Variants in DMBT1 observed in about 807,000 individuals in gnomAD.
DMBT1 encodes deleted in malignant brain tumors 1.
A neutral mutation model predicts 252.9 loss-of-function variants in DMBT1; 198 were observed. That is an observed-to-expected ratio of 0.78 (90% CI 0.70 to 0.88). DMBT1 has a LOEUF of 0.88. Ranked by LOEUF, DMBT1 falls within the 40% of genes least tolerant of loss-of-function variation. DMBT1 has a pLI of 0.00. For missense variants in DMBT1, 2,432 were observed against 2,404.7 expected, an observed-to-expected ratio of 1.01 and a Z score of -0.24; for synonymous variants, 990 against 942.7, an observed-to-expected ratio of 1.05 and a Z score of -0.92.
chr10:122,569,281 G>T (rs1367151135), intron 2 of DMBT1, among the ~76,000 whole-genome samples: 1 of 152,170 alleles, frequency 6.6e-6, no homozygotes, highest in Non-Finnish European at 1.5e-5. Context: ...CGAGGATGGA[G>T]GAACTGCTGG....
At chr10:122,573,999 T>C (rs1054657807) in intron 6 of DMBT1, among the ~76,000 whole-genome samples, 1 of 152,168 alleles carries the variant, frequency 6.6e-6, no homozygotes, top group Admixed American at 6.5e-5. Context: ...GAGCCTTTTA[T>C]TCTGTCTCTA....
chr10:122,561,421 G>T (rs184022827), intron 1 of DMBT1, among the ~76,000 whole-genome samples: 49 of 143,146 alleles, frequency 3.4e-4, no homozygotes, highest in African/African-American at 1.1e-3. Context: ...AAGCATAGCT[G>T]TATGTTCTTA....
intron 44 of DMBT1, among the ~76,000 whole-genome samples, chr10:122,623,712 G>A (rs138000791): frequency 5.9e-5 from 9 of 152,276 alleles, no homozygotes; most frequent in African/African-American, 1.9e-4. Flanking sequence ...TGGGAGAACA[G>A]GGGCTTCATT....
intron 52 of DMBT1, among the ~76,000 whole-genome samples, chr10:122,634,197 C>T (rs112531396): frequency 0.012 from 1,830 of 152,234 alleles, 38 homozygotes; most frequent in African/African-American, 0.041. Flanking sequence ...CCTTTTTCTC[C>T]ACCCATTCCT....
intron 27 of DMBT1, among the ~76,000 whole-genome samples, chr10:122,600,347 C>G (rs558198815): frequency 4.0e-4 from 61 of 152,188 alleles, no homozygotes; most frequent in African/African-American, 1.3e-3. Flanking sequence ...AGTGGACAAC[C>G]CTTACAGGTT....
chr10:122,566,088 C>A, intron 2 of DMBT1, 92 bp downstream of exon 2: 1 of 1,387,700 alleles, frequency 7.2e-7, no homozygotes, highest in Non-Finnish European at 1.0e-6. Flanking sequence ...CAGCTGAGGT[C>A]ACAGAGCAAA....
intron 7 of DMBT1, among the ~76,000 whole-genome samples, chr10:122,577,001 G>A (rs1185581715): frequency 6.6e-6 from 1 of 152,232 alleles, no homozygotes; most frequent in Non-Finnish European, 1.5e-5. Context: ...TGGGGCAGTT[G>A]GCCTGTGGGT....
chr10:122,600,184 G>T, intron 27 of DMBT1, 91 bp downstream of exon 27: 1 of 1,495,552 alleles, frequency 6.7e-7, no homozygotes, highest in Non-Finnish European at 9.1e-7. Context: ...GTTTCTCTGT[G>T]TGGATACTGT....
chr10:122,562,025 C>T (rs1275180996), intron 1 of DMBT1, among the ~76,000 whole-genome samples: 1 of 151,516 alleles, frequency 6.6e-6, no homozygotes, highest in Non-Finnish European at 1.5e-5. Context: ...CTCTCTTTTT[C>T]TCTCTCACTC....
rs2097850154 is a variant in DMBT1, at chr10:122,591,650, G to A, written c.2176+133G>A. 4 of 1,068,470 alleles carry A rather than the reference G, an allele frequency of 3.7e-6. 1 individual carries two copies. The highest frequency in any genetic ancestry group is 4.3e-5 in the Admixed American group (2 of 46,804). The allele number at this position is 1,068,470 out of a possible 1,614,324, so 66.2% of individuals were successfully genotyped here. A position where few individuals can be genotyped will look rare whatever the true frequency, so the allele number is the denominator to read the frequency against. The stretch of plus-strand genomic sequence containing the variant: ...ATCCCTGTGCGCTGAGTGGGAGGAA[G>A]TTGAGTCTCTGGGGAACCAGTCCCG... On this transcript the variant is annotated intron_variant, in intron 19 of 55. Transcript: ENST00000338354.
rs116659445 is a variant in DMBT1, at chr10:122,574,136, C to T, written c.283+374C>T. ...TGAGGGTCAGGTGCCTACCTGCTAA[C>T]GTAGCCAAATTGCTAGGACAGCATC... On this transcript the variant is annotated intron_variant, in intron 6 of 55. Transcript: ENST00000338354. Among the ~76,000 whole-genome samples, 1,000 of 152,300 alleles carry T rather than the reference C, an allele frequency of 6.6e-3. 10 individuals carry two copies. Among genetic ancestry groups the T allele is most frequent in the African/African-American group, 0.022 (918 of 41,576 alleles).
In DMBT1 at chr10:122,637,192, C is replaced by G. The variant is rs778680295; in HGVS notation, c.6822C>G (p.Gly2274=). ...GCAGGAGCTATCTCCAATCCTTGGG[C>G]TTTTCTGCCAGTGACCTTGTCATTT... The part of the protein sequence containing the change: ...SVSRSYLQSL[G]FSASDLVIST... The change falls in exon 54 of 56, where the codon GGC becomes GGG. Residue 2274 remains glycine, a synonymous_variant. Coordinates refer to ENST00000338354, the MANE Select transcript of DMBT1 (RefSeq NM_001377530.1). The G allele has an allele frequency of 1.3e-4, 217 of 1,614,022 alleles. 2 individuals carry two copies. The South Asian group carries it at 2.4e-3, about 18-fold the overall frequency.
At chr10:122,621,962 T>C (rs1196559625) in intron 44 of DMBT1, among the ~76,000 whole-genome samples, 1 of 152,154 alleles carries the variant, frequency 6.6e-6, no homozygotes, top group Non-Finnish European at 1.5e-5. Context: ...GCAGCTCCCA[T>C]GAGATCTGCC....
chr10:122,630,767 T>C (rs915319141), intron 48 of DMBT1, among the ~76,000 whole-genome samples, 194 bp from the exon 49 acceptor site: 6 of 152,208 alleles, frequency 3.9e-5, no homozygotes, highest in Admixed American at 1.3e-4. Flanking sequence ...TGAGGGGATC[T>C]GAGCTTGGCG....
At chr10:122,578,264 C>T (rs752639593) in intron 8 of DMBT1, among the ~76,000 whole-genome samples, 41 of 152,180 alleles carry the variant, frequency 2.7e-4, no homozygotes, top group Non-Finnish European at 5.1e-4. Flanking sequence ...TGCAGGGCCA[C>T]GTCTGCATTC....
Position 122,630,497 on chromosome 10 carries a change from G to T in DMBT1, c.6025+7G>T, listed in dbSNP as rs780361152. Reference sequence around the variant, plus strand: ...TATAACTCCTTCCCAAGCGGTAAGTGCACACTAGACCATGCCTATGAGGCT... The same window carrying T: ...TATAACTCCTTCCCAAGCGGTAAGTTCACACTAGACCATGCCTATGAGGCT... On this transcript the variant is annotated splice_region_variant and intron_variant, in intron 48 of 55. Coordinates refer to ENST00000338354, the MANE Select transcript of DMBT1 (RefSeq NM_001377530.1). The T allele has an allele frequency of 2.4e-5, 39 of 1,613,624 alleles. No homozygotes were observed. The highest frequency in any genetic ancestry group is 1.6e-4 in the Middle Eastern group (1 of 6,084).
Position 122,621,455 on chromosome 10 carries a change from A to G in DMBT1, c.5608+75A>G, listed in dbSNP as rs1028838899. The G allele has an allele frequency of 3.8e-6, 6 of 1,599,706 alleles. No homozygotes were observed. The Admixed American group carries it at 5.1e-5, about 14-fold the overall frequency. On this transcript the variant is annotated intron_variant, in intron 44 of 55. Coordinates refer to ENST00000338354, the MANE Select transcript of DMBT1 (RefSeq NM_001377530.1). Reference sequence around the variant, plus strand: ...AGAAGAAACTCCTAATTACATTCTGATCTCCTCACTCAAAGCTTCTCCTGT... The same window carrying G: ...AGAAGAAACTCCTAATTACATTCTGGTCTCCTCACTCAAAGCTTCTCCTGT...
chr10:122,631,348 AGTGGCTGATG>A, intron 49 of DMBT1, 67 bp downstream of exon 49: 1 of 1,568,398 alleles, frequency 6.4e-7, no homozygotes, highest in Non-Finnish European at 8.7e-7. Context: ...GCTTAAGGCC[AGTGGCTGATG>A]GTGTCTGTGG....
chr10:122,566,424 G>T lies in DMBT1; in HGVS notation c.91+428G>T, dbSNP rs2097593072. Among the ~76,000 whole-genome samples the T allele has an allele frequency of 2.0e-5, 3 of 151,712 alleles. No homozygotes were observed. In the South Asian group the frequency reaches 6.3e-4, roughly 32 times the overall value. On this transcript the variant is annotated intron_variant, in intron 2 of 55. Transcript: ENST00000338354. ...CCTCCTGGGTTCAAGCAATTCTCCTGTCTCAGCCTCCAGAGTAGCTGGGAC... is the reference window on the plus strand; with the variant it reads ...CCTCCTGGGTTCAAGCAATTCTCCTTTCTCAGCCTCCAGAGTAGCTGGGAC...
Sources: gnomAD v4.1 joint callset for allele counts (sites outside exome capture counted in the v4.1 genomes callset) on GRCh38, gnomAD v4.1.1 for gene constraint, MANE v1.5 for transcripts, NCBI Gene and HGNC (gene_info 2026-07-23, HGNC 2026-07-21) for gene names.